Variants in DPP10 observed in about 807,000 individuals in gnomAD.
The protein encoded by DPP10 is inactive dipeptidyl peptidase 10.
A neutral mutation model predicts 120.9 loss-of-function variants in DPP10; 33 were observed. The ratio of observed to expected loss-of-function variants is 0.27; its 90% CI spans 0.21 to 0.37. The LOEUF (loss-of-function observed/expected upper bound fraction) is 0.37, where lower values mean the gene tolerates loss of function less well. Ranked by LOEUF, DPP10 falls within the 10% of genes least tolerant of loss-of-function variation. DPP10 has a pLI of 1.00. For synonymous variants in DPP10, 337 were observed against 326.1 expected (o/e 1.03, Z -0.36); for missense variants, 816 against 942.8 (o/e 0.87, Z 1.76).
intron 3 of DPP10, among the ~76,000 whole-genome samples, chr2:115,461,133 A>G (rs1253791750): frequency 1.3e-5 from 2 of 152,184 alleles, no homozygotes; most frequent in Admixed American, 1.3e-4. Context: ...AAAGATGAAT[A>G]AAACAAGTTT....
chr2:115,020,199 C>T (rs1372157875), intron 1 of DPP10, among the ~76,000 whole-genome samples: 2 of 152,122 alleles, frequency 1.3e-5, no homozygotes, highest in Admixed American at 1.3e-4. Context: ...AAATGTTCCA[C>T]TTAAGATACA....
intron 1 of DPP10, among the ~76,000 whole-genome samples, chr2:114,619,282 A>C (rs903044281): frequency 1.3e-5 from 2 of 152,170 alleles, no homozygotes; most frequent in East Asian, 3.9e-4. Context: ...AGTTGAAAAC[A>C]TGCAAATACA....
chr2:115,813,026 C>T (rs971620488), intron 19 of DPP10, among the ~76,000 whole-genome samples: 2 of 124,848 alleles, frequency 1.6e-5, no homozygotes, highest in Middle Eastern at 4.5e-3. Flanking sequence ...CCAGGCCGGA[C>T]TGCGGACTGC....
At chr2:114,847,576 T>C (rs957845484) in intron 1 of DPP10, among the ~76,000 whole-genome samples, 2 of 152,124 alleles carry the variant, frequency 1.3e-5, no homozygotes, top group African/African-American at 4.8e-5. Flanking sequence ...ACTGTTCCAA[T>C]GAAGGAATAA....
At chr2:114,898,848 G>T (rs1359390251) in intron 1 of DPP10, among the ~76,000 whole-genome samples, 1 of 152,018 alleles carries the variant, frequency 6.6e-6, no homozygotes, top group Non-Finnish European at 1.5e-5. Flanking sequence ...TGATGTCTTT[G>T]CACCAATTTT....
chr2:115,150,081 G>C (rs1007696678), intron 1 of DPP10, among the ~76,000 whole-genome samples: 1 of 152,190 alleles, frequency 6.6e-6, no homozygotes, highest in African/African-American at 2.4e-5. Context: ...GGGAAGAAAG[G>C]AGAATAGATA....
At position 115,217,773 on chromosome 2, in the gene DPP10, T is replaced by C. The variant is rs1471436926; in HGVS notation, c.61-91466T>C. 2.6e-5 allele frequency among the ~76,000 whole-genome samples: 4 copies of C among 152,204 alleles called. No individual in the cohort carries two copies. The East Asian group carries it at 7.7e-4, about 29-fold the overall frequency. On this transcript the variant is annotated intron_variant, in intron 1 of 25. Coordinates refer to ENST00000410059, the MANE Select transcript of DPP10 (RefSeq NM_020868.6). ...TATTTTGTCTTCCAAAATACACTGCTGATTCACATCTTTTTTTTCTTTTGC... is the reference window on the plus strand; with the variant it reads ...TATTTTGTCTTCCAAAATACACTGCCGATTCACATCTTTTTTTTCTTTTGC...
chr2:115,142,644 C>T (rs2050993251), intron 1 of DPP10, among the ~76,000 whole-genome samples: 1 of 152,154 alleles, frequency 6.6e-6, no homozygotes, highest in South Asian at 2.1e-4. Context: ...AACTGGGCAG[C>T]TTCTTTGGCT....
chr2:115,000,028 T>C (rs183893442), intron 1 of DPP10, among the ~76,000 whole-genome samples: 140 of 148,224 alleles, frequency 9.4e-4, no homozygotes, highest in Non-Finnish European at 1.7e-3. Flanking sequence ...TTTTTTTTAA[T>C]TTATCAGTCT....
At chr2:115,674,031 G>A (rs529493017) in intron 5 of DPP10, among the ~76,000 whole-genome samples, 162 of 152,190 alleles carry the variant, frequency 1.1e-3, no homozygotes, top group Middle Eastern at 0.01. Context: ...GACCAACAAG[G>A]AGAAACTCTG....
At chr2:114,847,469 AG>A (rs1202911452) in intron 1 of DPP10, among the ~76,000 whole-genome samples, 1 of 152,190 alleles carries the variant, frequency 6.6e-6, no homozygotes, top group Admixed American at 6.5e-5. Flanking sequence ...TCTTGAAAAT[AG>A]GGACACATTC....
intron 4 of DPP10, among the ~76,000 whole-genome samples, chr2:115,519,286 A>G (rs569905774): frequency 6.6e-6 from 1 of 152,272 alleles, no homozygotes; most frequent in East Asian, 1.9e-4. Flanking sequence ...ATAAAAATAT[A>G]TGTGTGTCAG....
intron 8 of DPP10, among the ~76,000 whole-genome samples, chr2:115,730,386 A>G (rs962561569): frequency 6.6e-6 from 1 of 152,204 alleles, no homozygotes; most frequent in African/African-American, 2.4e-5. Flanking sequence ...TGGCAGACAT[A>G]GTGAGCAAGC....
intron 1 of DPP10, among the ~76,000 whole-genome samples, chr2:115,301,437 T>C (rs941883150): frequency 7.3e-5 from 11 of 150,122 alleles, no homozygotes; most frequent in Admixed American, 2.0e-4. Flanking sequence ...CCTCCTTCCT[T>C]CCTGAGAGAA....
At chr2:115,483,197 A>G (rs2075545770) in intron 3 of DPP10, among the ~76,000 whole-genome samples, 1 of 152,108 alleles carries the variant, frequency 6.6e-6, no homozygotes, top group South Asian at 2.1e-4. Context: ...TATTGGATAC[A>G]TACTCTGTGG....
At chr2:115,529,957 G>C (rs551928662) in intron 5 of DPP10, among the ~76,000 whole-genome samples, 6 of 152,026 alleles carry the variant, frequency 3.9e-5, no homozygotes, top group Admixed American at 2.0e-4. Flanking sequence ...CATAAAACTA[G>C]GTTAACTTTG....
intron 1 of DPP10, among the ~76,000 whole-genome samples, chr2:114,860,873 C>T (rs774060018): frequency 1.3e-5 from 2 of 152,190 alleles, no homozygotes; most frequent in Non-Finnish European, 2.9e-5. Flanking sequence ...CCCTGAGCCA[C>T]GAGCTGCTCC....
At chr2:114,548,465 C>T (rs1199535215) in intron 1 of DPP10, among the ~76,000 whole-genome samples, 3 of 152,144 alleles carry the variant, frequency 2.0e-5, no homozygotes. Context: ...CCTCTCCTCC[C>T]CTCCTTACTC....
chr2:115,591,253 C>G (rs535479354), intron 5 of DPP10, among the ~76,000 whole-genome samples: 37 of 152,138 alleles, frequency 2.4e-4, no homozygotes, highest in African/African-American at 8.9e-4. Context: ...CTGAATGGTA[C>G]TGCCTAGGTT....
Sources: gnomAD v4.1 joint callset for allele counts (sites outside exome capture counted in the v4.1 genomes callset) on GRCh38, gnomAD v4.1.1 for gene constraint, MANE v1.5 for transcripts, NCBI Gene and HGNC (gene_info 2026-07-23, HGNC 2026-07-21) for gene names.